Variants in VRK1 observed in about 807,000 individuals in gnomAD.
The protein encoded by VRK1 is VRK serine/threonine kinase 1, also known as serine/threonine-protein kinase VRK1.
In VRK1, 33 loss-of-function variants were observed where a neutral mutation model predicts 57.1. The ratio of observed to expected loss-of-function variants is 0.58; its 90% CI spans 0.44 to 0.77. The LOEUF is 0.77. Ranked by LOEUF, VRK1 falls within the 30% of genes least tolerant of loss-of-function variation. VRK1 has a pLI of 0.00. For synonymous variants in VRK1, 137 were observed against 147.8 expected, an observed-to-expected ratio of 0.93 and a Z score of 0.53; for missense variants, 413 against 477.3, an observed-to-expected ratio of 0.87 and a Z score of 1.25.
chr14:96,850,283 A>C (rs576915282), intron 5 of VRK1, among the ~76,000 whole-genome samples: 1 of 152,296 alleles, frequency 6.6e-6, no homozygotes, highest in South Asian at 2.1e-4. Flanking sequence ...CATTTGAATT[A>C]ATATGTATGT....
intron 1 of VRK1, among the ~76,000 whole-genome samples, chr14:96,812,094 G>A (rs566116642): frequency 6.6e-6 from 1 of 152,304 alleles, no homozygotes; most frequent in South Asian, 2.1e-4. Flanking sequence ...GTTCATCCCT[G>A]TTGTACATGT....
At chr14:96,844,218 C>T (rs1188372860) in intron 3 of VRK1, among the ~76,000 whole-genome samples, 2 of 152,142 alleles carry the variant, frequency 1.3e-5, no homozygotes, top group Non-Finnish European at 2.9e-5. Context: ...CTTGCAAATG[C>T]TTGCAAGTGT....
chr14:96,845,100 GAT>G (rs1887627613), intron 3 of VRK1, among the ~76,000 whole-genome samples: 1 of 152,084 alleles, frequency 6.6e-6, no homozygotes, highest in Non-Finnish European at 1.5e-5. Context: ...AGTTAACCAA[GAT>G]ATTCTGCCCA....
At chr14:96,867,797 T>G (rs1288937037) in intron 11 of VRK1, among the ~76,000 whole-genome samples, 1 of 152,186 alleles carries the variant, frequency 6.6e-6, no homozygotes, top group South Asian at 2.1e-4. Context: ...TGTTTTGTTT[T>G]TTAGTCATAT....
At chr14:96,846,779 T>C (rs1298338823) in intron 4 of VRK1, among the ~76,000 whole-genome samples, 2 of 151,154 alleles carry the variant, frequency 1.3e-5, no homozygotes, top group Non-Finnish European at 2.9e-5. Flanking sequence ...AATAAAAAAC[T>C]AGTACAGTAT....
chr14:96,837,349 C>T (rs1191483124), intron 2 of VRK1, among the ~76,000 whole-genome samples: 1 of 152,034 alleles, frequency 6.6e-6, no homozygotes, highest in Non-Finnish European at 1.5e-5. Flanking sequence ...AACTTTAGCC[C>T]CCTCATTTCT....
chr14:96,812,808 T>C (rs9323952), intron 1 of VRK1, among the ~76,000 whole-genome samples: 2,213 of 152,340 alleles, frequency 0.015, 57 homozygotes, highest in African/African-American at 0.05. Context: ...TTGGAAAATG[T>C]ACATCTACTG....
rs370932499 is a variant in VRK1 at position 96,870,353 on chromosome 14, C to T, written c.1069-5677C>T. The stretch of plus-strand genomic sequence containing the variant: ...TAAAGATAATTAAAGCATGACCCGG[C>T]CACTCATTTGCCTTTTCCCATAAAT... On this transcript the variant is annotated intron_variant, in intron 11 of 12. Coordinates refer to ENST00000216639, the MANE Select transcript of VRK1 (RefSeq NM_003384.3). Among the ~76,000 whole-genome samples, 10 of 152,252 alleles carry T rather than the reference C, an allele frequency of 6.6e-5. No homozygotes were observed. The South Asian group carries it at 1.0e-3, about 16-fold the overall frequency.
intron 3 of VRK1, among the ~76,000 whole-genome samples, chr14:96,842,464 T>C (rs1784511353): frequency 6.6e-6 from 1 of 152,222 alleles, no homozygotes; most frequent in Non-Finnish European, 1.5e-5. Context: ...AGTTTTATAA[T>C]TATTTCTAAA....
chr14:96,822,566 T>C (rs1226188453), intron 1 of VRK1, among the ~76,000 whole-genome samples: 1 of 152,234 alleles, frequency 6.6e-6, no homozygotes, highest in Non-Finnish European at 1.5e-5. Context: ...ACAGAAGCAC[T>C]TAACATTTTG....
At chr14:96,841,180 T>A (rs1887446608) in intron 3 of VRK1, among the ~76,000 whole-genome samples, 1 of 152,168 alleles carries the variant, frequency 6.6e-6, no homozygotes. Flanking sequence ...TTGTATTTTC[T>A]CTTAGAATGA....
chr14:96,846,304 TGTG>T, intron 4 of VRK1, 140 bp downstream of exon 4: 2 of 809,930 alleles, frequency 2.5e-6, no homozygotes, highest in Non-Finnish European at 2.0e-6. Context: ...ATGGGATTTG[TGTG>T]AAAGAATTCT....
chr14:96,812,067 C>G (rs1335158328), intron 1 of VRK1, among the ~76,000 whole-genome samples: 1 of 152,182 alleles, frequency 6.6e-6, no homozygotes, highest in Non-Finnish European at 1.5e-5. Flanking sequence ...TGACCAGTTT[C>G]TTAACGTGTG....
At chr14:96,864,005 A>T (rs79359176) in intron 11 of VRK1, among the ~76,000 whole-genome samples, 1,588 of 152,316 alleles carry the variant, frequency 0.01, 22 homozygotes, top group African/African-American at 0.031. Flanking sequence ...ATTTGGTGAA[A>T]ATCTATCTAG....
intron 11 of VRK1, among the ~76,000 whole-genome samples, chr14:96,864,661 G>A (rs1015566616): frequency 6.6e-6 from 1 of 152,004 alleles, no homozygotes; most frequent in Non-Finnish European, 1.5e-5. Flanking sequence ...TTATGTTGAG[G>A]GTTTGTAGAT....
intron 1 of VRK1, among the ~76,000 whole-genome samples, chr14:96,805,907 C>G (rs1460326076): frequency 6.6e-6 from 1 of 151,850 alleles, no homozygotes; most frequent in Non-Finnish European, 1.5e-5. Context: ...ATCTTTTTTT[C>G]CACTGAAATG....
intron 11 of VRK1, among the ~76,000 whole-genome samples, chr14:96,873,619 C>A (rs1888913023): frequency 6.6e-6 from 1 of 152,148 alleles, no homozygotes; most frequent in African/African-American, 2.4e-5. Flanking sequence ...AGACATTTTT[C>A]TGTTCAAAAG....
At chr14:96,879,130 C>T (rs963003413) in intron 12 of VRK1, among the ~76,000 whole-genome samples, 1 of 151,944 alleles carries the variant, frequency 6.6e-6, no homozygotes, top group Non-Finnish European at 1.5e-5. Flanking sequence ...GCATCCCAAA[C>T]TTGTATGTTA....
At chr14:96,848,438 G>A (rs1003646905) in intron 5 of VRK1, among the ~76,000 whole-genome samples, 4 of 152,128 alleles carry the variant, frequency 2.6e-5, no homozygotes, top group African/African-American at 2.4e-5. Context: ...ATGGAATGCC[G>A]GAACCAAATT....
Sources: allele counts gnomAD v4.1 joint callset (sites outside exome capture counted in the v4.1 genomes callset), GRCh38; gene constraint gnomAD v4.1.1; transcripts MANE v1.5; gene names NCBI Gene and HGNC (gene_info 2026-07-23, HGNC 2026-07-21).